ELMO1: variants seen among roughly 807,000 people sequenced by gnomAD.
The protein encoded by ELMO1 is engulfment and cell motility 1, also known as engulfment and cell motility protein 1.
Under a neutral mutation model 98.9 loss-of-function variants are expected in ELMO1, and 26 were observed. That is an observed-to-expected ratio of 0.26 (90% confidence interval 0.19 to 0.36). The LOEUF (loss-of-function observed/expected upper bound fraction) is 0.36. ELMO1 is among the 10% of genes least tolerant of loss of function. ELMO1 has a pLI of 1.00. For synonymous variants in ELMO1, 346 were observed against 346.0 expected, an observed-to-expected ratio of 1.00 and a Z score of 0.00; for missense variants, 627 against 935.2, an observed-to-expected ratio of 0.67 and a Z score of 4.30.
In ELMO1 at chr7:37,285,303, A is replaced by G. The variant is rs114908516; in HGVS notation, c.193-13421T>C. On this transcript the variant is annotated intron_variant, in intron 4 of 21. Transcript: ENST00000310758. ...GACCCATAAGAGTTCTCTTTTACTC[A>G]CAACTAACCAGCTTCTACTAGTTGT... 3.3e-3 allele frequency among the ~76,000 whole-genome samples: 509 copies of G among 152,282 alleles called. 2 individuals are homozygous for G. Among genetic ancestry groups the G allele is most frequent in the African/African-American group, 0.012 (482 of 41,546 alleles).
chr7:36,915,436 G>C (rs954772379), intron 16 of ELMO1, among the ~76,000 whole-genome samples: 32 of 151,358 alleles, frequency 2.1e-4, no homozygotes, highest in Admixed American at 1.8e-3. Context: ...TACTGTAAAG[G>C]ATTCTAGTCA....
intron 1 of ELMO1, among the ~76,000 whole-genome samples, chr7:37,405,690 T>A (rs746367187): frequency 5.9e-5 from 9 of 152,152 alleles, no homozygotes; most frequent in Non-Finnish European, 1.2e-4. Flanking sequence ...AAAGATAGGC[T>A]TATTCATTCC....
chr7:37,073,443 T>C (rs1377102474), intron 15 of ELMO1, among the ~76,000 whole-genome samples: 2 of 152,208 alleles, frequency 1.3e-5, no homozygotes, highest in African/African-American at 4.8e-5. Flanking sequence ...TCACTATGCC[T>C]ACACTGTTAT....
At chr7:37,085,332 G>GT (rs1374163261) in intron 15 of ELMO1, among the ~76,000 whole-genome samples, 2 of 151,932 alleles carry the variant, frequency 1.3e-5, no homozygotes, top group Non-Finnish European at 2.9e-5. Context: ...CTTCTGTTTT[G>GT]TTTTTTTATT....
At chr7:37,182,460 TA>T (rs766133985) in intron 13 of ELMO1, among the ~76,000 whole-genome samples, 99,752 of 117,320 alleles carry the variant, frequency 0.85, 45,497 homozygotes, top group South Asian at 0.93. Flanking sequence ...TCTTGTGCTC[TA>T]CTTTTTTTTT....
chr7:37,180,496 C>CA lies in ELMO1; in HGVS notation c.1086+30889dup, dbSNP rs1790781693. Among the ~76,000 whole-genome samples the CA allele has an allele frequency of 3.3e-5, 5 of 152,184 alleles. No homozygotes were observed. In the South Asian group the frequency reaches 8.3e-4, roughly 25 times the overall value. Reference sequence around the variant, plus strand: ...CACACAGAAAGGCAAAGCACTATTCCAGATCAAAGGAGAGCAAAAAGAAAG... The same window carrying CA: ...CACACAGAAAGGCAAAGCACTATTCCAAGATCAAAGGAGAGCAAAAAGAAAG... On this transcript the variant is annotated intron_variant, in intron 13 of 21. Transcript: ENST00000310758.
At chr7:37,029,897 G>C (rs1056597797) in intron 15 of ELMO1, among the ~76,000 whole-genome samples, 1 of 152,058 alleles carries the variant, frequency 6.6e-6, no homozygotes, top group African/African-American at 2.4e-5. Context: ...TTCCTCCTAA[G>C]TTATTCGTAA....
chr7:37,151,602 A>G (rs186890852), intron 13 of ELMO1, among the ~76,000 whole-genome samples: 210 of 152,302 alleles, frequency 1.4e-3, no homozygotes, highest in African/African-American at 4.7e-3. Context: ...TCAACCTAAT[A>G]GCTAAACAGA....
chr7:37,419,397 G>A (rs1353905222), intron 1 of ELMO1, among the ~76,000 whole-genome samples: 1 of 152,084 alleles, frequency 6.6e-6, no homozygotes, highest in Non-Finnish European at 1.5e-5. Flanking sequence ...GATTGGATGG[G>A]TTTGTTTTGT....
intron 13 of ELMO1, among the ~76,000 whole-genome samples, chr7:37,181,497 T>C (rs1790858884): frequency 6.6e-6 from 1 of 152,198 alleles, no homozygotes; most frequent in Non-Finnish European, 1.5e-5. Flanking sequence ...GCCAAGACTT[T>C]TGACAGAAAT....
intron 13 of ELMO1, 28 bp from the exon 14 acceptor site, chr7:37,133,262 G>T: frequency 1.3e-6 from 2 of 1,570,764 alleles, no homozygotes; most frequent in Non-Finnish European, 8.7e-7. Flanking sequence ...TCATGATAAG[G>T]TGAATTCTTC....
chr7:36,990,753 T>C lies in ELMO1; in HGVS notation c.1437+22546A>G, dbSNP rs528930504. On this transcript the variant is annotated intron_variant, in intron 16 of 21. Transcript: ENST00000310758. ...AATTCTTATACCTTTGTAATACTTTTTAAATAAATCCACAAATCAAAAAAG... is the reference window on the plus strand; with the variant it reads ...AATTCTTATACCTTTGTAATACTTTCTAAATAAATCCACAAATCAAAAAAG... Among the ~76,000 whole-genome samples, 436 of 152,242 alleles carry C rather than the reference T, an allele frequency of 2.9e-3. 1 individual carries two copies. Among genetic ancestry groups the C allele is most frequent in the Non-Finnish European group, 5.0e-3 (343 of 68,012 alleles).
Position 36,987,649 on chromosome 7 carries a change from A to C in ELMO1, c.1437+25650T>G, listed in dbSNP as rs945081064. Among the ~76,000 whole-genome samples the C allele has an allele frequency of 2.0e-5, 3 of 152,122 alleles. No homozygotes were observed. The East Asian group carries it at 5.8e-4, about 29-fold the overall frequency. ...GTTTCTGATTCTTGAAGCCAAGCTG[A>C]ACTATCCATCTACAACACATCCACT... On this transcript the variant is annotated intron_variant, in intron 16 of 21. Coordinates refer to ENST00000310758, the MANE Select transcript of ELMO1 (RefSeq NM_014800.11).
At chr7:37,155,028 T>C (rs1364345749) in intron 13 of ELMO1, among the ~76,000 whole-genome samples, 1 of 152,060 alleles carries the variant, frequency 6.6e-6, no homozygotes, top group African/African-American at 2.4e-5. Flanking sequence ...TAAAGAATTT[T>C]CAACCCAGAA....
rs532466159 is a variant in ELMO1 at position 36,967,223 on chromosome 7, T to G, written c.1437+46076A>C. Among the ~76,000 whole-genome samples, 4 of 152,098 alleles carry G rather than the reference T, an allele frequency of 2.6e-5. No individual in the cohort carries two copies. The South Asian group carries it at 8.3e-4, about 32-fold the overall frequency. ...GGCCAATCGATTTGAAGCTTGAATGTTTTTTTTCACATTCAGTACTAAAAA... is the reference window on the plus strand; with the variant it reads ...GGCCAATCGATTTGAAGCTTGAATGGTTTTTTTCACATTCAGTACTAAAAA... On this transcript the variant is annotated intron_variant, in intron 16 of 21. Coordinates refer to ENST00000310758, the MANE Select transcript of ELMO1 (RefSeq NM_014800.11).
intron 13 of ELMO1, among the ~76,000 whole-genome samples, chr7:37,169,220 C>T (rs1789971686): frequency 6.6e-6 from 1 of 152,152 alleles, no homozygotes; most frequent in South Asian, 2.1e-4. Flanking sequence ...TGGGAATGAC[C>T]CGATTTTCCA....
chr7:36,993,739 G>T (rs1335241879), intron 16 of ELMO1, among the ~76,000 whole-genome samples: 1 of 152,174 alleles, frequency 6.6e-6, no homozygotes, highest in Non-Finnish European at 1.5e-5. Flanking sequence ...ATAAAAATTG[G>T]CCCTGAAGGG....
Position 37,103,608 on chromosome 7 carries a change from C to T in ELMO1, c.1192-6881G>A, listed in dbSNP as rs567745609. Among the ~76,000 whole-genome samples, 7 of 151,824 alleles carry T rather than the reference C, an allele frequency of 4.6e-5. No homozygotes were observed. In the South Asian group the frequency reaches 6.2e-4, roughly 14 times the overall value. ...TGACGAGTTAATGGGTGCAGCACAACGTGGCACATGTATACATATGTAACT... is the reference window on the plus strand; with the variant it reads ...TGACGAGTTAATGGGTGCAGCACAATGTGGCACATGTATACATATGTAACT... On this transcript the variant is annotated intron_variant, in intron 14 of 21. Coordinates refer to ENST00000310758, the MANE Select transcript of ELMO1 (RefSeq NM_014800.11).
chr7:37,003,979 G>A (rs1294056596), intron 16 of ELMO1, among the ~76,000 whole-genome samples: 1 of 152,156 alleles, frequency 6.6e-6, no homozygotes, highest in African/African-American at 2.4e-5. Flanking sequence ...GTGCTCTTCT[G>A]TTCTGCCTTA....
Sources: gnomAD v4.1 joint callset for allele counts (sites outside exome capture counted in the v4.1 genomes callset) on GRCh38, gnomAD v4.1.1 for gene constraint, MANE v1.5 for transcripts, NCBI Gene and HGNC (gene_info 2026-07-23, HGNC 2026-07-21) for gene names.